Variants in SULF2 observed in about 807,000 individuals in gnomAD.
SULF2 encodes sulfatase 2, also known as extracellular sulfatase Sulf-2.
SULF2 carries 52 observed loss-of-function variants against 107.7 expected under a neutral mutation model. That is an observed-to-expected ratio of 0.48 (90% CI 0.39 to 0.61). The LOEUF is 0.61. Among genes scored for constraint, SULF2 ranks in the 20% least tolerant of loss-of-function variants. SULF2 has a pLI of 0.00. For missense variants in SULF2, 993 were observed against 1,177.3 expected, an observed-to-expected ratio of 0.84 and a Z score of 2.29; for synonymous variants, 460 against 464.3, an observed-to-expected ratio of 0.99 and a Z score of 0.12.
At chr20:47,755,816 C>T (rs543357414) in intron 2 of SULF2, among the ~76,000 whole-genome samples, 1 of 152,266 alleles carries the variant, frequency 6.6e-6, no homozygotes, top group South Asian at 2.1e-4. Context: ...AAGCCCCCAC[C>T]ATGGCCACAA....
chr20:47,720,795 C>T (rs1030553296), intron 3 of SULF2, among the ~76,000 whole-genome samples: 1 of 152,148 alleles, frequency 6.6e-6, no homozygotes, highest in African/African-American at 2.4e-5. Context: ...GGGCCACTTT[C>T]ATGATCTGTC....
At chr20:47,714,750 C>G (rs1441268748) in intron 3 of SULF2, among the ~76,000 whole-genome samples, 1 of 152,202 alleles carries the variant, frequency 6.6e-6, no homozygotes, top group African/African-American at 2.4e-5. Flanking sequence ...TCTGCCCCCA[C>G]TTTCCCCCCA....
chr20:47,783,452 G>A (rs1450215090), intron 1 of SULF2, among the ~76,000 whole-genome samples: 1 of 152,230 alleles, frequency 6.6e-6, no homozygotes, highest in Non-Finnish European at 1.5e-5. Context: ...CAAATCAGGT[G>A]TGAAACTGCA....
At position 47,684,299 on chromosome 20, in the gene SULF2, A is replaced by G. The variant is rs2087923446; in HGVS notation, c.888+132T>C. ...CTCCAAGCTGTTCCCCAGGTCTAGC[A>G]CATGGGGCCTCTTCATTCTGCCTTT... On this transcript the variant is annotated intron_variant, in intron 6 of 20. Transcript: ENST00000688720. 5.1e-6 allele frequency: 5 copies of G among 974,658 alleles called. No individual in the cohort carries two copies. In the South Asian group the frequency reaches 8.9e-5, roughly 17 times the overall value. 60.4% of individuals were successfully genotyped at this position (974,658 alleles called of 1,614,324 possible).
Position 47,738,419 on chromosome 20 carries a change from C to T in SULF2, c.176-1477G>A, listed in dbSNP as rs946801130. Among the ~76,000 whole-genome samples the T allele has an allele frequency of 1.2e-4, 18 of 152,164 alleles. 1 individual carries two copies. The highest frequency in any genetic ancestry group is 5.2e-4 in the Admixed American group (8 of 15,280). ...TGTGCAGTGGGTTGAACGGTGCCCC[C>T]GTCCCCTAAAGATAAGACCATGTCC... On this transcript the variant is annotated intron_variant, in intron 2 of 20. Transcript: ENST00000688720.
intron 11 of SULF2, among the ~76,000 whole-genome samples, chr20:47,668,173 A>G (rs1329973755): frequency 6.6e-6 from 1 of 152,188 alleles, no homozygotes; most frequent in Non-Finnish European, 1.5e-5. Context: ...CAGTCGGCTC[A>G]TAAGTGAGCT....
chr20:47,774,238 G>A (rs1022295175), intron 1 of SULF2, among the ~76,000 whole-genome samples: 3 of 152,216 alleles, frequency 2.0e-5, no homozygotes, highest in Non-Finnish European at 2.9e-5. Flanking sequence ...CAAGTGGGAG[G>A]AAAGCCCGGG....
At chr20:47,752,500 G>C (rs1055287159) in intron 2 of SULF2, among the ~76,000 whole-genome samples, 2 of 151,806 alleles carry the variant, frequency 1.3e-5, no homozygotes, top group African/African-American at 2.4e-5. Context: ...GAGGCCAATG[G>C]GGGGCGGATT....
chr20:47,726,582 C>A (rs1214909111), intron 3 of SULF2, among the ~76,000 whole-genome samples: 1 of 152,184 alleles, frequency 6.6e-6, no homozygotes, highest in Non-Finnish European at 1.5e-5. Flanking sequence ...AGTACAGAAC[C>A]CATGTGCGCC....
At chr20:47,768,154 G>A (rs6094826) in intron 1 of SULF2, among the ~76,000 whole-genome samples, 1 of 152,200 alleles carries the variant, frequency 6.6e-6, no homozygotes, top group Non-Finnish European at 1.5e-5. Context: ...TCCAATGTGA[G>A]GACCAGGGAA....
At chr20:47,770,053 G>GTTTTTTTTTTTTTTTTT (rs56786760) in intron 1 of SULF2, among the ~76,000 whole-genome samples, 1 of 63,084 alleles carries the variant, frequency 1.6e-5, no homozygotes, top group Non-Finnish European at 2.7e-5. Flanking sequence ...ATCTGGTGTA[G>GTTTTTTTTTTTTTTTTT]TTTTTTTTTT....
rs974364714 is a variant in SULF2 at position 47,698,586 on chromosome 20, G to A, written c.567+3933C>T. Among the ~76,000 whole-genome samples the A allele has an allele frequency of 3.2e-4, 48 of 152,122 alleles. 1 individual carries two copies. On this transcript the variant is annotated intron_variant, in intron 4 of 20. Transcript: ENST00000688720. ...AGTAGAGAGAAATCAACTCCTTGGG[G>A]GTTCATTTGAACTCCTGGATCCACC...
At chr20:47,774,456 G>A (rs79539569) in intron 1 of SULF2, among the ~76,000 whole-genome samples, 9,061 of 152,230 alleles carry the variant, frequency 0.06, 379 homozygotes, top group East Asian at 0.16. Context: ...GAAGCAAACT[G>A]CCCCTATCTT....
intron 3 of SULF2, among the ~76,000 whole-genome samples, chr20:47,733,390 C>A (rs530504136): frequency 6.6e-6 from 1 of 152,116 alleles, no homozygotes; most frequent in Admixed American, 6.5e-5. Flanking sequence ...ACATTATATT[C>A]CTCCCTACAC....
At chr20:47,743,227 G>C (rs1243849035) in intron 2 of SULF2, among the ~76,000 whole-genome samples, 1 of 152,164 alleles carries the variant, frequency 6.6e-6, no homozygotes, top group Non-Finnish European at 1.5e-5. Flanking sequence ...ACAGGACCTT[G>C]ACTTAAATTC....
chr20:47,664,047 T>G (rs1352717456), intron 15 of SULF2, 83 bp downstream of exon 15: 1 of 1,452,668 alleles, frequency 6.9e-7, no homozygotes, highest in African/African-American at 1.4e-5. Flanking sequence ...TCTTTCCTTT[T>G]CTTCTGAGTT....
chr20:47,776,765 C>T (rs951784169), intron 1 of SULF2, among the ~76,000 whole-genome samples: 1 of 152,198 alleles, frequency 6.6e-6, no homozygotes, highest in African/African-American at 2.4e-5. Flanking sequence ...ACGATCCTTC[C>T]TCTGCAAGCA....
Position 47,678,902 on chromosome 20 carries a change from G to A in SULF2, c.1065-98C>T, listed in dbSNP as rs2087735286. 3.9e-6 allele frequency: 4 copies of A among 1,027,456 alleles called. No individual in the cohort carries two copies. The highest frequency in any genetic ancestry group is 5.9e-6 in the Non-Finnish European group (4 of 673,240). 63.6% of individuals were successfully genotyped at this position (1,027,456 alleles called of 1,614,324 possible). On this transcript the variant is annotated intron_variant, in intron 7 of 20. Coordinates refer to ENST00000688720, the MANE Select transcript of SULF2 (RefSeq NM_001387048.1). This position sits in a 1 kb window ranked among gnomAD's most constrained non-coding sequence, Gnocchi z 4.5. ...GCGGTAGGTGGGCAGCAGTTTGTGG[G>A]AGGCTGACATCTGCAGGTATGGAAG...
chr20:47,665,136 G>T, intron 14 of SULF2, 63 bp downstream of exon 14: 3 of 1,024,304 alleles, frequency 2.9e-6, no homozygotes, highest in Non-Finnish European at 4.6e-6. Flanking sequence ...CACGAGAGGG[G>T]ATGAACTGAA....
Sources: allele counts gnomAD v4.1 joint callset (sites outside exome capture counted in the v4.1 genomes callset), GRCh38; gene constraint gnomAD v4.1.1; non-coding constraint Gnocchi (gnomAD v3.1); transcripts MANE v1.5; gene names NCBI Gene and HGNC (gene_info 2026-07-23, HGNC 2026-07-21).